POM121C: variants seen among roughly 807,000 people sequenced by gnomAD.
POM121C encodes POM121 transmembrane nucleoporin C.
POM121C carries 20 observed loss-of-function variants against 66.4 expected under a neutral mutation model. That is an observed-to-expected ratio of 0.30 (90% CI 0.21 to 0.44). The LOEUF (loss-of-function observed/expected upper bound fraction) is 0.44, where lower values mean the gene tolerates loss of function less well. Among genes scored for constraint, POM121C ranks in the 20% least tolerant of loss-of-function variants. The probability of loss-of-function intolerance (pLI) is 1.00; values close to 1 mark genes in which losing one functional copy is unlikely to be tolerated. For synonymous variants in POM121C, 286 were observed against 528.0 expected (o/e 0.54, Z 6.28); for missense variants, 580 against 1,225.7 (o/e 0.47, Z 7.87).
chr7:75,477,588 A>C (rs587704745), intron 1 of POM121C, among the ~76,000 whole-genome samples: 2 of 152,262 alleles, frequency 1.3e-5, no homozygotes, highest in Admixed American at 1.3e-4. Context: ...TATGAGGTGG[A>C]AGAAAATCAA....
intron 3 of POM121C, among the ~76,000 whole-genome samples, chr7:75,450,417 T>A (rs1246171424): frequency 6.6e-6 from 1 of 152,344 alleles, no homozygotes; most frequent in South Asian, 2.1e-4. Context: ...AGCACTCAGT[T>A]GTTACACGGG....
At chr7:75,447,252 T>C (rs1352133805) in intron 3 of POM121C, among the ~76,000 whole-genome samples, 4 of 152,056 alleles carry the variant, frequency 2.6e-5, no homozygotes, top group African/African-American at 7.2e-5. Context: ...AAAGTTGAGA[T>C]ATGGAAAAAT....
intron 7 of POM121C, among the ~76,000 whole-genome samples, chr7:75,436,490 A>ATTTT (rs1790416476): frequency 2.6e-5 from 4 of 152,198 alleles, no homozygotes; most frequent in Non-Finnish European, 5.9e-5. Context: ...TAAGGTTAAT[A>ATTTT]ATTTAAGAGG....
At chr7:75,462,325 T>C (rs1791473358) in intron 3 of POM121C, among the ~76,000 whole-genome samples, 1 of 152,136 alleles carries the variant, frequency 6.6e-6, no homozygotes, top group African/African-American at 2.4e-5. Context: ...GTAAGTCTCC[T>C]GAGGCCTCCC....
intron 5 of POM121C, among the ~76,000 whole-genome samples, chr7:75,439,939 G>T (rs1422227522): frequency 1.5e-4 from 22 of 145,922 alleles, no homozygotes; most frequent in Non-Finnish European, 2.8e-4. Flanking sequence ...AGAGTGCACT[G>T]GCATGGTCTC....
At chr7:75,418,976 G>C in intron 14 of POM121C, 83 bp from the exon 15 acceptor site, 3 of 1,492,706 alleles carry the variant, frequency 2.0e-6, no homozygotes, top group African/African-American at 2.8e-5. Context: ...GGAAGGCCAG[G>C]CCAGTAATAA....
chr7:75,466,423 T>C (rs1791652156), intron 3 of POM121C, among the ~76,000 whole-genome samples: 1 of 151,648 alleles, frequency 6.6e-6, no homozygotes, highest in Non-Finnish European at 1.5e-5. Flanking sequence ...CTGGCCAACA[T>C]GGTAAACCTC....
intron 6 of POM121C, among the ~76,000 whole-genome samples, chr7:75,438,646 T>C (rs1466775138): frequency 1.3e-5 from 2 of 152,162 alleles, no homozygotes; most frequent in Non-Finnish European, 2.9e-5. Flanking sequence ...ACCTGCCTCA[T>C]TCTAGTCTTT....
intron 3 of POM121C, among the ~76,000 whole-genome samples, chr7:75,465,909 A>C (rs1791626317): frequency 6.7e-6 from 1 of 148,804 alleles, no homozygotes; most frequent in Admixed American, 6.7e-5. Context: ...AAAAAAAAAA[A>C]AAAAAAAAAA....
In POM121C at chr7:75,474,712, T is replaced by C. The variant is rs781886489; in HGVS notation, c.-160A>G. ...ATACTCTACTAACTTACCAGGACTATGTTGACATGGAAATTCACCTCCCGT... is the reference window on the plus strand; with the variant it reads ...ATACTCTACTAACTTACCAGGACTACGTTGACATGGAAATTCACCTCCCGT... On this transcript the variant is annotated 5_prime_UTR_variant, in exon 3 of 15. Transcript: ENST00000615331. 2.5e-5 allele frequency: 37 copies of C among 1,480,856 alleles called. No individual in the cohort carries two copies. Among genetic ancestry groups the C allele is most frequent in the South Asian group, 3.4e-5 (3 of 87,920 alleles). The allele number at this position is 1,480,856 out of a possible 1,614,324, so 91.7% of individuals were successfully genotyped here.
At chr7:75,442,962 C>G (rs1187962853) in intron 3 of POM121C, among the ~76,000 whole-genome samples, 1 of 152,160 alleles carries the variant, frequency 6.6e-6, no homozygotes, top group East Asian at 1.9e-4. Flanking sequence ...GGCTCCCATC[C>G]GGAGGCGATC....
chr7:75,434,243 G>C (rs1790305301), intron 7 of POM121C, among the ~76,000 whole-genome samples: 1 of 151,988 alleles, frequency 6.6e-6, no homozygotes, highest in African/African-American at 2.4e-5. Flanking sequence ...GTGAACAGAT[G>C]ATCAAACTAC....
At chr7:75,419,123 A>C (rs1554470221) in intron 14 of POM121C, among the ~76,000 whole-genome samples, 197 bp downstream of exon 14, 2 of 152,152 alleles carry the variant, frequency 1.3e-5, no homozygotes, top group Admixed American at 6.5e-5. Flanking sequence ...ATGGGAGGCA[A>C]ACTTCCACCC....
intron 1 of POM121C, among the ~76,000 whole-genome samples, chr7:75,476,475 A>C (rs1433906877): frequency 2.6e-5 from 4 of 152,182 alleles, no homozygotes; most frequent in Non-Finnish European, 2.9e-5. Flanking sequence ...CATATCAACA[A>C]GGGGTTCAAA....
At chr7:75,482,991 AAG>A (rs1307529664) in intron 1 of POM121C, among the ~76,000 whole-genome samples, 1 of 152,198 alleles carries the variant, frequency 6.6e-6, no homozygotes, top group Non-Finnish European at 1.5e-5. Context: ...AAATCTTCAC[AAG>A]AGAGTAACTG....
intron 3 of POM121C, among the ~76,000 whole-genome samples, chr7:75,457,200 A>C (rs1182292480): frequency 1.7e-4 from 20 of 118,404 alleles, no homozygotes; most frequent in African/African-American, 6.3e-4. Context: ...TAAATAAATA[A>C]ATAAATACAT....
intron 1 of POM121C, among the ~76,000 whole-genome samples, chr7:75,479,533 T>C (rs1382771457): frequency 1.4e-5 from 2 of 147,172 alleles, no homozygotes; most frequent in Non-Finnish European, 2.9e-5. Context: ...GGAGAATCAC[T>C]TGAACCCAGG....
chr7:75,429,032 G>C (rs1438110763), intron 7 of POM121C, among the ~76,000 whole-genome samples: 2 of 151,584 alleles, frequency 1.3e-5, no homozygotes, highest in African/African-American at 2.4e-5. Flanking sequence ...TTAACAATTA[G>C]GGGAAAAAAG....
intron 1 of POM121C, 51 bp from the exon 2 acceptor site, chr7:75,475,239 G>C (rs1164815295): frequency 9.9e-6 from 11 of 1,106,454 alleles, no homozygotes; most frequent in Non-Finnish European, 1.1e-5. Context: ...GGGATAGGGG[G>C]ATAACATTTT....
Sources: gnomAD v4.1 joint callset for allele counts (sites outside exome capture counted in the v4.1 genomes callset) on GRCh38, gnomAD v4.1.1 for gene constraint, MANE v1.5 for transcripts, NCBI Gene and HGNC (gene_info 2026-07-23, HGNC 2026-07-21) for gene names.